NEGR1: variants seen among roughly 807,000 people sequenced by gnomAD.
NEGR1 encodes the protein IgLON family member 4.
A neutral mutation model predicts 40.9 loss-of-function variants in NEGR1; 10 were observed. The ratio of observed to expected loss-of-function variants is 0.24; its 90% confidence interval spans 0.15 to 0.42. The LOEUF (loss-of-function observed/expected upper bound fraction) is 0.42. Among genes scored for constraint, NEGR1 ranks in the 10% least tolerant of loss-of-function variants. The probability of loss-of-function intolerance (pLI) is 1.00; values close to 1 mark genes in which losing one functional copy is unlikely to be tolerated. For missense variants in NEGR1, 352 were observed against 438.9 expected, an observed-to-expected ratio of 0.80 and a Z score of 1.77; for synonymous variants, 185 against 166.8, an observed-to-expected ratio of 1.11 and a Z score of -0.84.
intron 6 of NEGR1, among the ~76,000 whole-genome samples, chr1:71,534,758 C>G (rs1183742545): frequency 6.6e-6 from 1 of 151,652 alleles, no homozygotes; most frequent in Non-Finnish European, 1.5e-5. Flanking sequence ...AAGCAATATT[C>G]TAGGAGCTGA....
chr1:71,676,045 A>G (rs865856509), intron 4 of NEGR1, among the ~76,000 whole-genome samples: 2 of 152,184 alleles, frequency 1.3e-5, no homozygotes, highest in Non-Finnish European at 1.5e-5. Context: ...GAATTCAGTT[A>G]TTACATTTGC....
intron 6 of NEGR1, chr1:71,407,938 A>G (rs976176740): frequency 5.8e-6 from 1 of 172,864 alleles, no homozygotes; most frequent in African/African-American, 2.4e-5. Context: ...TTAATGGACA[A>G]ATAGTCATTC....
At chr1:71,673,089 A>T (rs1238104599) in intron 4 of NEGR1, among the ~76,000 whole-genome samples, 4 of 151,968 alleles carry the variant, frequency 2.6e-5, no homozygotes, top group African/African-American at 9.7e-5. Context: ...TAAAAACAAA[A>T]TTAGCCTGGC....
intron 1 of NEGR1, among the ~76,000 whole-genome samples, chr1:72,095,720 T>C (rs973045187): frequency 1.3e-5 from 2 of 152,114 alleles, no homozygotes; most frequent in Admixed American, 1.3e-4. Flanking sequence ...TTATTTCCCA[T>C]GTAAGTATTT....
intron 1 of NEGR1, among the ~76,000 whole-genome samples, chr1:72,078,641 A>ATTT (rs1276718973): frequency 6.9e-6 from 1 of 144,024 alleles, no homozygotes; most frequent in African/African-American, 2.5e-5. Context: ...ATATATATTT[A>ATTT]TTTATTTTTT....
Position 72,199,988 on chromosome 1 carries a change from C to G in NEGR1, c.176+82331G>C, listed in dbSNP as rs748737302. Among the ~76,000 whole-genome samples, 4 of 151,946 alleles carry G rather than the reference C, an allele frequency of 2.6e-5. No homozygotes were observed. The East Asian group carries it at 7.7e-4, about 29-fold the overall frequency. On this transcript the variant is annotated intron_variant, in intron 1 of 6. Coordinates refer to ENST00000357731, the MANE Select transcript of NEGR1 (RefSeq NM_173808.3). ...AACCACAATGAGACACCATCTCACACCAGTCAGAATGGTTATAATCAAAAC... is the reference window on the plus strand; with the variant it reads ...AACCACAATGAGACACCATCTCACAGCAGTCAGAATGGTTATAATCAAAAC...
chr1:71,931,477 TGAG>T (rs71809068), intron 2 of NEGR1, among the ~76,000 whole-genome samples: 33,245 of 151,892 alleles, frequency 0.22, 3,963 homozygotes, highest in Admixed American at 0.36. Flanking sequence ...TTTTGGGGGC[TGAG>T]AAGTCCAACA....
chr1:71,928,394 A>G (rs897463821), intron 2 of NEGR1, among the ~76,000 whole-genome samples: 7 of 143,098 alleles, frequency 4.9e-5, no homozygotes, highest in East Asian at 2.1e-4. Flanking sequence ...ATACACACAT[A>G]TGTATATATG....
intron 1 of NEGR1, among the ~76,000 whole-genome samples, chr1:72,019,139 A>G (rs1646735796): frequency 6.6e-6 from 1 of 152,180 alleles, no homozygotes; most frequent in Admixed American, 6.5e-5. Flanking sequence ...TATTAGGCTT[A>G]AGCAATGGAG....
chr1:71,898,995 T>C (rs1661067309), intron 2 of NEGR1, among the ~76,000 whole-genome samples: 1 of 77,152 alleles, frequency 1.3e-5, no homozygotes, highest in African/African-American at 3.8e-5. Flanking sequence ...TATATATATA[T>C]ATATATATAT....
chr1:71,857,495 G>A (rs1330229588), intron 2 of NEGR1, among the ~76,000 whole-genome samples: 2 of 149,564 alleles, frequency 1.3e-5, no homozygotes, highest in African/African-American at 4.9e-5. Context: ...GGGCTTGGTG[G>A]CACACACCTA....
At chr1:71,877,172 G>A (rs935076792) in intron 2 of NEGR1, among the ~76,000 whole-genome samples, 3 of 151,778 alleles carry the variant, frequency 2.0e-5, no homozygotes, top group Admixed American at 6.6e-5. Context: ...AACAAAAAAA[G>A]GGTCTGAGAG....
chr1:71,997,784 C>A (rs1437617616), intron 1 of NEGR1, among the ~76,000 whole-genome samples: 2 of 151,874 alleles, frequency 1.3e-5, no homozygotes, highest in African/African-American at 4.8e-5. Flanking sequence ...TTACTTATTT[C>A]TTCATCTAAT....
At chr1:71,776,444 C>T (rs537365341) in intron 2 of NEGR1, 147 bp from the exon 3 acceptor site, 12 of 400,028 alleles carry the variant, frequency 3.0e-5, no homozygotes, top group East Asian at 2.7e-4. Flanking sequence ...GATGGATTCT[C>T]TAGAACCTCA....
intron 1 of NEGR1, among the ~76,000 whole-genome samples, chr1:72,021,874 G>T (rs1557487579): frequency 1.3e-5 from 2 of 152,120 alleles, no homozygotes; most frequent in Admixed American, 6.6e-5. Flanking sequence ...GGTGGCTCAC[G>T]CCTGTAATCC....
In NEGR1 at chr1:71,605,613, A is replaced by T. The variant is rs542867022; in HGVS notation, c.788+5413T>A. Among the ~76,000 whole-genome samples, 39 of 152,336 alleles carry T rather than the reference A, an allele frequency of 2.6e-4. 1 individual carries two copies. In the South Asian group the frequency reaches 7.2e-3, roughly 28 times the overall value. On this transcript the variant is annotated intron_variant, in intron 5 of 6. Coordinates refer to ENST00000357731, the MANE Select transcript of NEGR1 (RefSeq NM_173808.3). The stretch of plus-strand genomic sequence containing the variant: ...TATCACCAAAAACGTTTGCTTAATG[A>T]TACTTTGGATGTTCTGAAATTGTCT...
intron 3 of NEGR1, among the ~76,000 whole-genome samples, chr1:71,754,600 A>G (rs1171314511): frequency 6.6e-6 from 1 of 151,760 alleles, no homozygotes; most frequent in African/African-American, 2.4e-5. Context: ...CAAATATCCC[A>G]CTTTTCTTCT....
chr1:72,098,420 G>A (rs1648796073), intron 1 of NEGR1, among the ~76,000 whole-genome samples: 2 of 152,148 alleles, frequency 1.3e-5, no homozygotes, highest in South Asian at 2.1e-4. Context: ...TGCCAAACAC[G>A]AAGGCTGTTT....
chr1:71,575,793 CA>C (rs1251875891), intron 6 of NEGR1, among the ~76,000 whole-genome samples: 9 of 73,450 alleles, frequency 1.2e-4, no homozygotes, highest in African/African-American at 4.1e-4. Context: ...AAAACAAAAA[CA>C]AAAACAAAAC....
Sources: gnomAD v4.1 joint callset for allele counts (sites outside exome capture counted in the v4.1 genomes callset) on GRCh38, gnomAD v4.1.1 for gene constraint, MANE v1.5 for transcripts, NCBI Gene and HGNC (gene_info 2026-07-23, HGNC 2026-07-21) for gene names.